Variants in PCDHGA8 observed in about 807,000 individuals in gnomAD.
The protein encoded by PCDHGA8 is protocadherin gamma subfamily A, 8.
Under a neutral mutation model 59.2 loss-of-function variants are expected in PCDHGA8, and 45 were observed. The ratio of observed to expected loss-of-function variants is 0.76; its 90% CI spans 0.60 to 0.98. PCDHGA8 has a LOEUF of 0.98. Among genes scored for constraint, PCDHGA8 ranks in the 50% least tolerant of loss-of-function variants. PCDHGA8 has a pLI of 0.00. For synonymous variants in PCDHGA8, 531 were observed against 519.0 expected, an observed-to-expected ratio of 1.02 and a Z score of -0.32; for missense variants, 1,257 against 1,196.2, an observed-to-expected ratio of 1.05 and a Z score of -0.75.
At chr5:141,456,971 A>G (rs1031714073) in intron 1 of PCDHGA8, among the ~76,000 whole-genome samples, 1 of 147,384 alleles carries the variant, frequency 6.8e-6, no homozygotes, top group Non-Finnish European at 1.5e-5. Context: ...TCAAAACAAA[A>G]CAAACAAACA....
Position 141,395,034 on chromosome 5 carries a change from G to A in PCDHGA8, c.2221G>A (p.Val741Met), listed in dbSNP as rs772873954. The change falls in exon 1 of 4, where the codon GTG becomes ATG. Residue 741 changes from valine to methionine, a missense_variant. Coordinates refer to ENST00000398604, the MANE Select transcript of PCDHGA8 (RefSeq NM_032088.2). ...GGTAGGCGTGCCTGCCTCACATTTT[G>A]TGGGTGTTGAGGAGGTACAGGCTTT... The part of the protein sequence containing the change: ...RLVGVPASHF[V>M]GVEEVQAFLQ... 1.3e-5 allele frequency: 21 copies of A among 1,614,032 alleles called. No individual in the cohort carries two copies. Among genetic ancestry groups the A allele is most frequent in the African/African-American group, 5.3e-5 (4 of 74,914 alleles).
At chr5:141,430,827 T>A in intron 1 of PCDHGA8, 1 of 1,551,000 alleles carries the variant, frequency 6.4e-7, no homozygotes, top group South Asian at 1.3e-5. Flanking sequence ...CTGGGGACTC[T>A]GTGGGAGACC....
chr5:141,412,983 G>A (rs1372992044), intron 1 of PCDHGA8: 1 of 557,334 alleles, frequency 1.8e-6, no homozygotes, highest in Admixed American at 3.6e-5. Context: ...CGCAGCCAGA[G>A]CTCAATCCGG....
Position 141,414,566 on chromosome 5 carries a change from A to G in PCDHGA8, c.2424+19329A>G, listed in dbSNP as rs375828619. The stretch of plus-strand genomic sequence containing the variant: ...TTCTCTCAAGTCTCCTACTTTACCT[A>G]TATCCCAGAGAACAACGCCAGGGGT... On this transcript the variant is annotated intron_variant, in intron 1 of 3. Coordinates refer to ENST00000398604, the MANE Select transcript of PCDHGA8 (RefSeq NM_032088.2). The G allele has an allele frequency of 6.6e-5, 106 of 1,613,800 alleles. No homozygotes were observed. Among genetic ancestry groups the G allele is most frequent in the Non-Finnish European group, 8.4e-5 (99 of 1,179,878 alleles).
chr5:141,419,894 C>G, intron 1 of PCDHGA8: 1 of 1,613,926 alleles, frequency 6.2e-7, no homozygotes, highest in Non-Finnish European at 8.5e-7. Flanking sequence ...CAGCGACCAT[C>G]CCACACCCTC....
chr5:141,409,256 C>G (rs1212394349), intron 1 of PCDHGA8: 2 of 1,613,918 alleles, frequency 1.2e-6, no homozygotes, highest in African/African-American at 2.7e-5. Context: ...CATCACTTCT[C>G]TCTCTGATCA....
At chr5:141,402,953 A>G in intron 1 of PCDHGA8, 3 of 1,597,298 alleles carry the variant, frequency 1.9e-6, no homozygotes, top group Middle Eastern at 1.7e-4. Context: ...CGAGGCAGCA[A>G]TGGCAGCTCC....
At position 141,432,579 on chromosome 5, in the gene PCDHGA8, G is replaced by T; in HGVS notation, c.2424+37342G>T. On this transcript the variant is annotated intron_variant, in intron 1 of 3. Coordinates refer to ENST00000398604, the MANE Select transcript of PCDHGA8 (RefSeq NM_032088.2). This position sits in a 1 kb window ranked among gnomAD's most constrained non-coding sequence, Gnocchi z 6.0. ...GGCCAGAACGCCTGGCTGTCCTACC[G>T]TCTGCTCAAGGCCAGCGAGCCGGGA... is the stretch of plus-strand genomic sequence containing the variant. 1 of 1,613,860 alleles carries T rather than the reference G, an allele frequency of 6.2e-7. No homozygotes were observed. Among genetic ancestry groups the T allele is most frequent in the Non-Finnish European group, 8.5e-7 (1 of 1,179,984 alleles).
At chr5:141,498,669 C>T (rs774292307) in intron 2 of PCDHGA8, among the ~76,000 whole-genome samples, 29 of 152,156 alleles carry the variant, frequency 1.9e-4, no homozygotes, top group African/African-American at 6.0e-4. Flanking sequence ...TGGTGGCTCA[C>T]GCCTGTAATC....
chr5:141,428,159 G>A (rs1377084529), intron 1 of PCDHGA8: 1 of 1,571,752 alleles, frequency 6.4e-7, no homozygotes, highest in East Asian at 2.2e-5. Context: ...GAACCTGCTG[G>A]TTGCTGTGCG....
chr5:141,419,276 C>G (rs1361651445), intron 1 of PCDHGA8: 1 of 1,613,920 alleles, frequency 6.2e-7, no homozygotes, highest in African/African-American at 1.3e-5. Flanking sequence ...CTCCATAGCG[C>G]AAGTCAGTGC....
chr5:141,404,759 T>C, intron 1 of PCDHGA8: 2 of 1,613,632 alleles, frequency 1.2e-6, no homozygotes, highest in Non-Finnish European at 1.7e-6. Flanking sequence ...CCAGAATGCT[T>C]GGCTCTCCTA....
Position 141,476,114 on chromosome 5 carries a change from G to A in PCDHGA8, c.2425-18693G>A. Reference sequence around the variant, plus strand: ...CCGCTGAGAGGAACTGCTTTTGAGTGAGATGGTCCCAGAGGCCTGGAGGAG... The same window carrying A: ...CCGCTGAGAGGAACTGCTTTTGAGTAAGATGGTCCCAGAGGCCTGGAGGAG... On this transcript the variant is annotated intron_variant, in intron 1 of 3. Coordinates refer to ENST00000398604, the MANE Select transcript of PCDHGA8 (RefSeq NM_032088.2). The surrounding 1 kb of genome is among the most constrained non-coding windows in gnomAD (Gnocchi z 7.6). 6.3e-7 allele frequency: 1 copy of A among 1,592,296 alleles called. No individual in the cohort carries two copies. The highest frequency in any genetic ancestry group is 8.5e-7 in the Non-Finnish European group (1 of 1,171,536).
chr5:141,501,706 T>TA (rs2099810629), intron 2 of PCDHGA8, among the ~76,000 whole-genome samples: 1 of 152,094 alleles, frequency 6.6e-6, no homozygotes, highest in South Asian at 2.1e-4. Flanking sequence ...ATTCCGAGGA[T>TA]AAAAAAGACA....
intron 1 of PCDHGA8, chr5:141,404,696 G>A (rs757662807): frequency 6.2e-7 from 1 of 1,614,104 alleles, no homozygotes; most frequent in Non-Finnish European, 8.5e-7. Context: ...ACCCCGCTCT[G>A]CAGAGCCTGG....
chr5:141,486,728 G>T lies in PCDHGA8; in HGVS notation c.2425-8079G>T. On this transcript the variant is annotated intron_variant, in intron 1 of 3. Coordinates refer to ENST00000398604, the MANE Select transcript of PCDHGA8 (RefSeq NM_032088.2). This position sits in a 1 kb window ranked among gnomAD's most constrained non-coding sequence, Gnocchi z 5.0. Reference sequence around the variant, plus strand: ...GAACCCCCAGACAGGAGCTGTTCATGCTACTCGATCCTTTGACTATGAGCA... The same window carrying T: ...GAACCCCCAGACAGGAGCTGTTCATTCTACTCGATCCTTTGACTATGAGCA... The T allele has an allele frequency of 6.2e-7, 1 of 1,614,200 alleles. No individual in the cohort carries two copies. The highest frequency in any genetic ancestry group is 8.5e-7 in the Non-Finnish European group (1 of 1,180,052).
In PCDHGA8 at chr5:141,427,784, G is replaced by A. The variant is rs750188824; in HGVS notation, c.2424+32547G>A. 6.8e-6 allele frequency: 10 copies of A among 1,470,180 alleles called. No homozygotes were observed. The Admixed American group carries it at 1.3e-4, about 20-fold the overall frequency. 91.1% of individuals were successfully genotyped at this position (1,470,180 alleles called of 1,614,324 possible). Reference sequence around the variant, plus strand: ...CTGACTTGGAGCTGCGGGCACTGTCGTCCTACGTGTCCGTGAGCGCACAGA... The same window carrying A: ...CTGACTTGGAGCTGCGGGCACTGTCATCCTACGTGTCCGTGAGCGCACAGA... On this transcript the variant is annotated intron_variant, in intron 1 of 3. Coordinates refer to ENST00000398604, the MANE Select transcript of PCDHGA8 (RefSeq NM_032088.2).
chr5:141,477,571 C>A lies in PCDHGA8; in HGVS notation c.2425-17236C>A, dbSNP rs1470454976. ...TAAACCTAAGTGTCTGGGACCCCGA[C>A]GCCCCGCAGAATGCTCGGCTTTCTT... is the stretch of plus-strand genomic sequence containing the variant. On this transcript the variant is annotated intron_variant, in intron 1 of 3. Coordinates refer to ENST00000398604, the MANE Select transcript of PCDHGA8 (RefSeq NM_032088.2). The surrounding 1 kb of genome is among the most constrained non-coding windows in gnomAD (Gnocchi z 4.9). The A allele has an allele frequency of 3.1e-6, 5 of 1,614,042 alleles. No homozygotes were observed. In the South Asian group the frequency reaches 4.4e-5, roughly 14 times the overall value.
chr5:141,502,373 C>A (rs2099813965), intron 2 of PCDHGA8, among the ~76,000 whole-genome samples: 1 of 151,806 alleles, frequency 6.6e-6, no homozygotes, highest in African/African-American at 2.4e-5. Context: ...TTAAAGAGTC[C>A]AGGCCAGTTG....
Sources: gnomAD v4.1 joint callset for allele counts (sites outside exome capture counted in the v4.1 genomes callset) on GRCh38, gnomAD v4.1.1 for gene constraint, Gnocchi (gnomAD v3.1) non-coding constraint, MANE v1.5 for transcripts, NCBI Gene and HGNC (gene_info 2026-07-23, HGNC 2026-07-21) for gene names.